Variants in CTSH observed in about 807,000 individuals in gnomAD.
CTSH encodes pro-cathepsin H.
In CTSH, 52 loss-of-function variants were observed where a neutral mutation model predicts 56.3. That is an observed-to-expected ratio of 0.92 (90% CI 0.74 to 1.16). The LOEUF is 1.16. Among genes scored for constraint, CTSH ranks in the 50% most tolerant of loss-of-function variants. The pLI, the probability that CTSH is intolerant of heterozygous loss-of-function variation, is 0.00. For missense variants in CTSH, 406 were observed against 424.5 expected (o/e 0.96, Z 0.38); for synonymous variants, 174 against 155.7 (o/e 1.12, Z -0.88).
Position 78,928,937 on chromosome 15 carries a change from T to A in CTSH, c.630+475A>T, listed in dbSNP as rs571997772. Among the ~76,000 whole-genome samples, 26 of 151,448 alleles carry A rather than the reference T, an allele frequency of 1.7e-4. No individual in the cohort carries two copies. The South Asian group carries it at 5.2e-3, about 30-fold the overall frequency. The stretch of plus-strand genomic sequence containing the variant: ...GGGGAAATAAAGGAGGAGCAACAGG[T>A]CTTGGGGAAAGACAAGGCACTTGGC... On this transcript the variant is annotated intron_variant, in intron 8 of 11. Transcript: ENST00000220166.
chr15:78,937,725 C>T (rs1016648445), intron 2 of CTSH: 1 of 1,354,316 alleles, frequency 7.4e-7, no homozygotes, highest in Non-Finnish European at 9.7e-7. Flanking sequence ...ACTGCTGGTG[C>T]TGGGTCAAGT....
rs1254889897 is a variant in CTSH at position 78,937,843 on chromosome 15, A to T, written c.124-420T>A. ...GGTTTTCTAAAAACAAATGTGTATA[A>T]TTTTTTATTGATATATAACTGATGT... On this transcript the variant is annotated intron_variant, in intron 2 of 11. Coordinates refer to ENST00000220166, the MANE Select transcript of CTSH (RefSeq NM_004390.5). The T allele has an allele frequency of 7.8e-6, 10 of 1,279,062 alleles. No homozygotes were observed. In the East Asian group the frequency reaches 4.5e-4, roughly 58 times the overall value. The allele number at this position is 1,279,062 out of a possible 1,614,324, so 79.2% of individuals were successfully genotyped here.
At chr15:78,934,734 C>T (rs1037268786) in intron 5 of CTSH, 11 of 548,146 alleles carry the variant, frequency 2.0e-5, no homozygotes, top group African/African-American at 9.4e-5. Context: ...AAATCTGGGG[C>T]GTGGGGAAGG....
Position 78,942,431 on chromosome 15 carries a change from T to G in CTSH, c.91+2460A>C, listed in dbSNP as rs565268438. On this transcript the variant is annotated intron_variant, in intron 1 of 11. Coordinates refer to ENST00000220166, the MANE Select transcript of CTSH (RefSeq NM_004390.5). The stretch of plus-strand genomic sequence containing the variant: ...TTTCACCATGTTAGCCAATCTGGTC[T>G]GAAACTTCTGACCTCAGGTGATCCA... 2.5e-4 allele frequency among the ~76,000 whole-genome samples: 38 copies of G among 152,304 alleles called. No homozygotes were observed. The South Asian group carries it at 7.9e-3, about 32-fold the overall frequency.
At position 78,921,966 on chromosome 15, in the gene CTSH, C is replaced by G; in HGVS notation, c.*164G>C. ...AGACACGGGTGAGCTCATGGTGGAA[C>G]TCCTCCTTGTCTGTAGGTTTCCAGG... is the stretch of plus-strand genomic sequence containing the variant. On this transcript the variant is annotated 3_prime_UTR_variant, in exon 12 of 12. Coordinates refer to ENST00000220166, the MANE Select transcript of CTSH (RefSeq NM_004390.5). 1 of 627,400 alleles carries G rather than the reference C, an allele frequency of 1.6e-6. No individual in the cohort carries two copies. 38.9% of individuals were successfully genotyped at this position (627,400 alleles called of 1,614,324 possible).
intron 1 of CTSH, among the ~76,000 whole-genome samples, chr15:78,941,567 C>T (rs1016937434): frequency 2.6e-5 from 4 of 151,444 alleles, no homozygotes; most frequent in East Asian, 1.9e-4. Flanking sequence ...CTGAGACGGG[C>T]GGATCACGAG....
intron 8 of CTSH, 85 bp downstream of exon 8, chr15:78,929,327 G>A: frequency 9.7e-7 from 1 of 1,031,144 alleles, no homozygotes; most frequent in Non-Finnish European, 1.5e-6. Context: ...GGTGGGGGGA[G>A]AAGGGATGTC....
At chr15:78,935,634 G>T (rs202107390) in intron 4 of CTSH, 46 bp downstream of exon 4, 3 of 1,516,354 alleles carry the variant, frequency 2.0e-6, no homozygotes, top group East Asian at 2.3e-5. Flanking sequence ...TATTCCAAAG[G>T]TTTCAGTAAA....
intron 8 of CTSH, among the ~76,000 whole-genome samples, chr15:78,928,056 G>A (rs1387239841): frequency 6.6e-6 from 1 of 152,236 alleles, no homozygotes; most frequent in Non-Finnish European, 1.5e-5. Flanking sequence ...ACTGAGAAGT[G>A]GAGGCCGAGT....
At chr15:78,927,427 C>T (rs542630855) in intron 9 of CTSH, 7 of 488,804 alleles carry the variant, frequency 1.4e-5, no homozygotes, top group Non-Finnish European at 2.2e-5. Flanking sequence ...CTGCAGGATG[C>T]GGACAATTGC....
intron 1 of CTSH, among the ~76,000 whole-genome samples, chr15:78,939,454 G>A (rs923711047): frequency 3.3e-5 from 5 of 152,216 alleles, no homozygotes; most frequent in Non-Finnish European, 7.3e-5. Context: ...CTTCCGGGAT[G>A]CTGCTCATAT....
At position 78,932,402 on chromosome 15, in the gene CTSH, G is replaced by A. The variant is rs781714615; in HGVS notation, c.462C>T (p.Ile154=). Residue 154 remains isoleucine, a synonymous_variant, in exon 6 of 12, where the codon ATC becomes ATT. Transcript: ENST00000220166. ...ACAGCATCTTTCCGGTTGCGATGGCGATCGCAGACTCCAGGGCCCCAGTGG... is the reference window on the plus strand; with the variant it reads ...ACAGCATCTTTCCGGTTGCGATGGCAATCGCAGACTCCAGGGCCCCAGTGG... ...FSTTGALESA[I]AIATGKMLSL... is the part of the protein sequence containing the mutation. 10 of 1,613,972 alleles carry A rather than the reference G, an allele frequency of 6.2e-6. No homozygotes were observed. The African/African-American group carries it at 8.0e-5, about 13-fold the overall frequency.
intron 6 of CTSH, chr15:78,931,917 T>C (rs1020622957): frequency 5.5e-5 from 66 of 1,189,634 alleles, no homozygotes; most frequent in Non-Finnish European, 6.5e-5. Context: ...GGCTGTGCAC[T>C]GTCCCTCCTT....
rs1347128495 is a variant in CTSH, at chr15:78,931,945, G to C, written c.492+427C>G. The C allele has an allele frequency of 3.4e-6, 4 of 1,172,472 alleles. No individual in the cohort carries two copies. In the South Asian group the frequency reaches 6.3e-5, roughly 19 times the overall value. The allele number at this position is 1,172,472 out of a possible 1,614,324, so 72.6% of individuals were successfully genotyped here. ...CCCTCCTTTCTCCACAGAGGCAGGG[G>C]CTAGGATAGTTCCTTCAGGGGCATC... On this transcript the variant is annotated intron_variant, in intron 6 of 11. Coordinates refer to ENST00000220166, the MANE Select transcript of CTSH (RefSeq NM_004390.5).
At chr15:78,927,672 T>C in intron 9 of CTSH, 41 bp downstream of exon 9, 1 of 1,588,590 alleles carries the variant, frequency 6.3e-7, no homozygotes, top group Non-Finnish European at 8.6e-7. Flanking sequence ...GGCCTCCTCA[T>C]CAGGACACAT....
rs1177854892 is a variant in CTSH at position 78,929,447 on chromosome 15, T to G, written c.595A>C (p.Ile199Leu). Residue 199 changes from isoleucine (I) to leucine (L), a missense_variant, in exon 8 of 12, where the codon ATC (isoleucine) becomes CTC (leucine). By Grantham distance (5) the Ile-to-Leu change is conservative. Transcript: ENST00000220166. The stretch of plus-strand genomic sequence containing the variant: ...TAGGGGTAGGTGTCTTCACCCATGA[T>G]CCCCTTGTTGTACAGGATATACTCG... The part of the protein sequence containing the change: ...AFEYILYNKG[I>L]MGEDTYPYQG... The G allele has an allele frequency of 9.9e-6, 16 of 1,612,176 alleles. No individual in the cohort carries two copies. The highest frequency in any genetic ancestry group is 1.4e-5 in the Non-Finnish European group (16 of 1,179,068).
chr15:78,921,223 CT>C lies in CTSH; in HGVS notation c.*906del, dbSNP rs1396473087. The C allele has an allele frequency of 5.3e-5, 8 of 152,320 alleles. No individual in the cohort carries two copies. The highest frequency in any genetic ancestry group is 1.9e-4 in the African/African-American group (8 of 41,556). The allele number at this position is 152,320 out of a possible 1,614,324, so 9.4% of individuals were successfully genotyped here. On this transcript the variant is annotated 3_prime_UTR_variant, in exon 12 of 12. Transcript: ENST00000220166. Reference sequence around the variant, plus strand: ...AGCCATAGGACAAAGAGCTGGTGGACTCCAGCTTGTTCTACAGACATCCCAG... The same window carrying C: ...AGCCATAGGACAAAGAGCTGGTGGACCCAGCTTGTTCTACAGACATCCCAG...
chr15:78,925,651 C>G, intron 9 of CTSH: 1 of 497,684 alleles, frequency 2.0e-6, no homozygotes, highest in Non-Finnish European at 3.7e-6. Context: ...CCTAGGAAAC[C>G]CTGCACCCTC....
In CTSH at chr15:78,921,197, G is replaced by A. The variant is rs2054764550; in HGVS notation, c.*933C>T. ...AGCTTTTATCATTAAGAAAGTCTGT[G>A]AGCCATAGGACAAAGAGCTGGTGGA... On this transcript the variant is annotated 3_prime_UTR_variant, in exon 12 of 12. Coordinates refer to ENST00000220166, the MANE Select transcript of CTSH (RefSeq NM_004390.5). 1 of 152,118 alleles carries A rather than the reference G, an allele frequency of 6.6e-6. No homozygotes were observed. The highest frequency in any genetic ancestry group is 1.5e-5 in the Non-Finnish European group (1 of 68,034). The allele number at this position is 152,118 out of a possible 1,614,324, so 9.4% of individuals were successfully genotyped here.
Sources: allele counts gnomAD v4.1 joint callset (sites outside exome capture counted in the v4.1 genomes callset), GRCh38; gene constraint gnomAD v4.1.1; transcripts MANE v1.5; gene names NCBI Gene and HGNC (gene_info 2026-07-23, HGNC 2026-07-21).